IPO8: variants seen among roughly 807,000 people sequenced by gnomAD.
IPO8 encodes the protein importin-8.
IPO8 carries 65 observed loss-of-function variants against 141.2 expected under a neutral mutation model. The ratio of observed to expected loss-of-function variants is 0.46; its 90% CI spans 0.38 to 0.57. The LOEUF (loss-of-function observed/expected upper bound fraction) is 0.57, where lower values mean the gene tolerates loss of function less well. Among genes scored for constraint, IPO8 ranks in the 20% least tolerant of loss-of-function variants. The probability of loss-of-function intolerance (pLI) is 0.00; values close to 1 mark genes in which losing one functional copy is unlikely to be tolerated. For missense variants in IPO8, 980 were observed against 1,246.8 expected (o/e 0.79, Z 3.22); for synonymous variants, 411 against 420.3 (o/e 0.98, Z 0.27).
At position 30,652,218 on chromosome 12, in the gene IPO8, C is replaced by A; in HGVS notation, c.2146G>T (p.Glu716Ter). The change falls in exon 19 of 25, where the codon GAA becomes TAA. Residue 716 changes from glutamate (E) to a stop codon, truncating the protein, a stop_gained. Transcript: ENST00000256079. LOFTEE classifies it high-confidence loss of function. ...TTCCTACACATTGTAAAAAGAATTT[C>A]TAAATGTTTTGCATTTGATAGTAAG... ...DTLLSNAKHL[E>*]ILFTMCRKVL... The A allele has an allele frequency of 6.3e-7, 1 of 1,590,772 alleles. No homozygotes were observed. The highest frequency in any genetic ancestry group is 1.1e-5 in the South Asian group (1 of 90,424).
intron 17 of IPO8, 86 bp downstream of exon 17, chr12:30,656,598 T>C: frequency 1.4e-6 from 1 of 702,472 alleles, no homozygotes; most frequent in Non-Finnish European, 2.3e-6. Context: ...GTCCATCTTG[T>C]TAAATCTGAA....
chr12:30,636,432 G>T (rs1239345283), intron 22 of IPO8, among the ~76,000 whole-genome samples: 1 of 152,034 alleles, frequency 6.6e-6, no homozygotes, highest in Non-Finnish European at 1.5e-5. Flanking sequence ...ATCTTATTCT[G>T]ATTCTCAAGT....
rs1591850212 is a variant in IPO8 at position 30,695,157 on chromosome 12, C to T, written c.84+407G>A. ...GCTCCACAGCAACACCTAAAAAGGG[C>T]TGGGTTTGGAAAAAAGCTGAACTCA... On this transcript the variant is annotated intron_variant, in intron 1 of 24. Coordinates refer to ENST00000256079, the MANE Select transcript of IPO8 (RefSeq NM_006390.4). The surrounding 1 kb of genome is among the most constrained non-coding windows in gnomAD (Gnocchi z 4.2). The T allele has an allele frequency of 1.1e-5, 4 of 380,416 alleles. No individual in the cohort carries two copies. In the East Asian group the frequency reaches 2.9e-4, roughly 27 times the overall value. The allele number at this position is 380,416 out of a possible 1,614,324, so 23.6% of individuals were successfully genotyped here.
rs2052469158 is a variant in IPO8, at chr12:30,634,080, T to C, written c.2899+3A>G. The C allele has an allele frequency of 1.2e-6, 2 of 1,609,910 alleles. No homozygotes were observed. The highest frequency in any genetic ancestry group is 1.7e-6 in the Non-Finnish European group (2 of 1,176,514). ...CAGAAGATGTGGGGAAGTAAAGACA[T>C]ACTTATCAGAGCTTGTGTAAAAAAC... On this transcript the variant is annotated splice_donor_region_variant and intron_variant, in intron 23 of 24. Coordinates refer to ENST00000256079, the MANE Select transcript of IPO8 (RefSeq NM_006390.4).
At chr12:30,669,012 C>T (rs942803148) in intron 10 of IPO8, among the ~76,000 whole-genome samples, 171 bp downstream of exon 10, 1 of 152,174 alleles carries the variant, frequency 6.6e-6, no homozygotes, top group Non-Finnish European at 1.5e-5. Flanking sequence ...CGACAATCTC[C>T]AGTTCTCTAG....
chr12:30,662,235 CTG>C, intron 15 of IPO8, 90 bp downstream of exon 15: 2 of 967,630 alleles, frequency 2.1e-6, no homozygotes, highest in Non-Finnish European at 3.2e-6. Context: ...CAGCACATGA[CTG>C]TACAAATAAA....
intron 17 of IPO8, among the ~76,000 whole-genome samples, chr12:30,654,063 A>T (rs774146930): frequency 1.3e-5 from 2 of 152,116 alleles, no homozygotes; most frequent in Non-Finnish European, 2.9e-5. Flanking sequence ...TTTAGGGTCA[A>T]TTAATTTTCA....
At chr12:30,633,803 T>C (rs2052465449) in intron 23 of IPO8, among the ~76,000 whole-genome samples, 1 of 152,198 alleles carries the variant, frequency 6.6e-6, no homozygotes, top group Non-Finnish European at 1.5e-5. Flanking sequence ...GGATGAACAA[T>C]ATACACAGAT....
At position 30,695,065 on chromosome 12, in the gene IPO8, G is replaced by A; in HGVS notation, c.84+499C>T. On this transcript the variant is annotated intron_variant, in intron 1 of 24. Transcript: ENST00000256079. This position sits in a 1 kb window ranked among gnomAD's most constrained non-coding sequence, Gnocchi z 4.2. ...TCCCAACAGCACTGCCCAGCGCTCC[G>A]CAAAACTCGGCCAATCGGTGTCAAA... is the stretch of plus-strand genomic sequence containing the variant. 2.2e-6 allele frequency: 1 copy of A among 454,538 alleles called. No homozygotes were observed. The highest frequency in any genetic ancestry group is 1.6e-5 in the South Asian group (1 of 64,028). The allele number at this position is 454,538 out of a possible 1,614,324, so 28.2% of individuals were successfully genotyped here.
intron 5 of IPO8, among the ~76,000 whole-genome samples, chr12:30,679,323 G>C (rs16906667): frequency 0.047 from 7,160 of 152,164 alleles, 554 homozygotes; most frequent in African/African-American, 0.16. Context: ...CAGGTTTTTA[G>C]CAAGTATAGA....
At chr12:30,660,725 C>G (rs973480024) in intron 16 of IPO8, among the ~76,000 whole-genome samples, 2 of 152,084 alleles carry the variant, frequency 1.3e-5, no homozygotes, top group African/African-American at 4.8e-5. Context: ...TATCAGAATT[C>G]TGTTCCATTA....
At chr12:30,673,071 A>G (rs2053073253) in intron 8 of IPO8, among the ~76,000 whole-genome samples, 1 of 152,200 alleles carries the variant, frequency 6.6e-6, no homozygotes, top group Non-Finnish European at 1.5e-5. Context: ...AGCCTGGCCA[A>G]CATGGTGAAA....
At chr12:30,634,317 C>T in intron 22 of IPO8, 31 bp from the exon 23 acceptor site, 2 of 1,555,346 alleles carry the variant, frequency 1.3e-6, no homozygotes, top group Non-Finnish European at 1.8e-6. Context: ...TAAAAGGAAT[C>T]AAAACACATA....
chr12:30,655,618 T>C (rs1478550601), intron 17 of IPO8, among the ~76,000 whole-genome samples: 1 of 152,352 alleles, frequency 6.6e-6, no homozygotes, highest in East Asian at 1.9e-4. Flanking sequence ...TTTCTGTGCC[T>C]GGCTTATTTC....
intron 20 of IPO8, among the ~76,000 whole-genome samples, chr12:30,642,302 G>A (rs1048190565): frequency 2.0e-5 from 3 of 152,030 alleles, no homozygotes; most frequent in African/African-American, 4.8e-5. Context: ...GGAGAGAATG[G>A]GGCAAGGGTT....
At chr12:30,661,318 C>T (rs754575268) in intron 15 of IPO8, 52 bp from the exon 16 acceptor site, 4 of 1,474,356 alleles carry the variant, frequency 2.7e-6, no homozygotes, top group Non-Finnish European at 3.6e-6. Context: ...GTTACGTCCC[C>T]GCTTTACAAA....
chr12:30,677,230 T>G (rs2053134254), intron 5 of IPO8: 1 of 492,370 alleles, frequency 2.0e-6, no homozygotes, highest in African/African-American at 1.9e-5. Context: ...AGTGACAGAC[T>G]GCATATACAA....
chr12:30,632,080 T>C (rs2052440768), intron 23 of IPO8, 69 bp from the exon 24 acceptor site: 1 of 995,438 alleles, frequency 1.0e-6, no homozygotes, highest in South Asian at 1.4e-5. Context: ...AGTAGTAACA[T>C]GATCAAATTA....
chr12:30,674,760 G>A lies in IPO8; in HGVS notation c.730-7C>T. The A allele has an allele frequency of 6.3e-7, 1 of 1,580,548 alleles. No individual in the cohort carries two copies. The highest frequency in any genetic ancestry group is 1.1e-5 in the South Asian group (1 of 90,340). On this transcript the variant is annotated splice_polypyrimidine_tract_variant and splice_region_variant and intron_variant, in intron 6 of 24. Coordinates refer to ENST00000256079, the MANE Select transcript of IPO8 (RefSeq NM_006390.4). ...CATCAATGTGCAGAGTCTCCTAACA[G>A]GACAAAATTACCCAGATTAAAGTTC...
Sources: allele counts gnomAD v4.1 joint callset (sites outside exome capture counted in the v4.1 genomes callset), GRCh38; gene constraint gnomAD v4.1.1; non-coding constraint Gnocchi (gnomAD v3.1); transcripts MANE v1.5; gene names NCBI Gene and HGNC (gene_info 2026-07-23, HGNC 2026-07-21).